UTS2B: variants seen among roughly 807,000 people sequenced by gnomAD.
UTS2B encodes the protein urotensin-2B.
Under a neutral mutation model 19.2 loss-of-function variants are expected in UTS2B, and 21 were observed. The ratio of observed to expected loss-of-function variants is 1.09; its 90% CI spans 0.78 to 1.58. The LOEUF (loss-of-function observed/expected upper bound fraction) is 1.58. Ranked by LOEUF, UTS2B falls within the 40% of genes most tolerant of loss-of-function variation. The pLI, the probability that UTS2B is intolerant of heterozygous loss-of-function variation, is 0.00. For synonymous variants in UTS2B, 57 were observed against 50.2 expected (o/e 1.14, Z -0.58); for missense variants, 138 against 130.3 (o/e 1.06, Z -0.29).
chr3:191,309,484 G>A (rs1717232138), intron 3 of UTS2B, among the ~76,000 whole-genome samples: 1 of 152,004 alleles, frequency 6.6e-6, no homozygotes, highest in South Asian at 2.1e-4. Context: ...CTTTGTTTTA[G>A]ACTATGTTTT....
chr3:191,309,195 G>A (rs528666057), intron 3 of UTS2B, among the ~76,000 whole-genome samples: 69 of 152,104 alleles, frequency 4.5e-4, no homozygotes, highest in East Asian at 3.7e-3. Context: ...ACGGAGTCTC[G>A]CTCTCGCCCA....
At chr3:191,319,957 A>G (rs1336240723) in intron 2 of UTS2B, among the ~76,000 whole-genome samples, 1 of 151,888 alleles carries the variant, frequency 6.6e-6, no homozygotes, top group Non-Finnish European at 1.5e-5. Flanking sequence ...ATACACTTCA[A>G]TTATTCTTTA....
chr3:191,313,038 G>A (rs982054054), intron 3 of UTS2B, among the ~76,000 whole-genome samples: 6 of 149,504 alleles, frequency 4.0e-5, no homozygotes, highest in East Asian at 3.9e-4. Flanking sequence ...TTTTTGAGAC[G>A]GAGTCTCACT....
intron 2 of UTS2B, among the ~76,000 whole-genome samples, chr3:191,327,991 A>C (rs192033270): frequency 6.6e-6 from 1 of 152,320 alleles, no homozygotes; most frequent in East Asian, 1.9e-4. Flanking sequence ...TTTGAGGCTT[A>C]AGAGGCAAGG....
intron 2 of UTS2B, among the ~76,000 whole-genome samples, chr3:191,327,937 A>G (rs1247842749): frequency 6.6e-6 from 1 of 152,212 alleles, no homozygotes; most frequent in Non-Finnish European, 1.5e-5. Context: ...ATCTCTGCCT[A>G]GCACTGGGGT....
At chr3:191,311,772 T>C (rs760071453) in intron 3 of UTS2B, among the ~76,000 whole-genome samples, 3 of 152,208 alleles carry the variant, frequency 2.0e-5, no homozygotes, top group South Asian at 2.1e-4. Context: ...TTCTCAGCTG[T>C]GGCATAGTAA....
intron 4 of UTS2B, among the ~76,000 whole-genome samples, chr3:191,284,780 C>A (rs1396067850): frequency 1.3e-5 from 2 of 151,492 alleles, no homozygotes; most frequent in Admixed American, 1.3e-4. Context: ...ATATAATTTC[C>A]AAAATATTTT....
intron 3 of UTS2B, among the ~76,000 whole-genome samples, chr3:191,307,099 G>A (rs1717160263): frequency 6.6e-6 from 1 of 152,220 alleles, no homozygotes; most frequent in African/African-American, 2.4e-5. Context: ...AATATGTGAA[G>A]AGAAAGAAAC....
chr3:191,340,596 A>G, the UTS2B span, among the ~76,000 whole-genome samples: 2 of 152,250 alleles, frequency 1.3e-5, no homozygotes, highest in Admixed American at 1.3e-4. Flanking sequence ...CTATAATTAC[A>G]TAATCTTCAC....
chr3:191,292,149 G>C (rs1716738122), intron 4 of UTS2B, among the ~76,000 whole-genome samples: 1 of 150,264 alleles, frequency 6.7e-6, no homozygotes, highest in African/African-American at 2.4e-5. Flanking sequence ...CAGGAGGGAA[G>C]CTAAGATTTT....
intron 3 of UTS2B, among the ~76,000 whole-genome samples, chr3:191,310,326 T>A (rs192255919): frequency 2.4e-4 from 36 of 151,916 alleles, no homozygotes; most frequent in Admixed American, 2.1e-3. Context: ...AGAGATAACA[T>A]CCCCTTTCAA....
At chr3:191,318,220 A>G (rs1717518857) in intron 2 of UTS2B, among the ~76,000 whole-genome samples, 1 of 152,324 alleles carries the variant, frequency 6.6e-6, no homozygotes, top group Admixed American at 6.5e-5. Flanking sequence ...ATCAATGTCT[A>G]TATTTCCCAT....
intron 4 of UTS2B, 34 bp from the exon 5 acceptor site, chr3:191,282,347 T>A: frequency 1.7e-6 from 1 of 577,942 alleles, no homozygotes; most frequent in East Asian, 2.9e-5. Flanking sequence ...AGAAAATAAA[T>A]CTATAAAATG....
At chr3:191,342,141 A>G in the UTS2B span, among the ~76,000 whole-genome samples, 2 of 152,200 alleles carry the variant, frequency 1.3e-5, no homozygotes, top group African/African-American at 4.8e-5. Context: ...AGATTTACAC[A>G]TTTGTTTTCT....
At chr3:191,308,384 CAGTT>C (rs1358793831) in intron 3 of UTS2B, among the ~76,000 whole-genome samples, 2 of 152,156 alleles carry the variant, frequency 1.3e-5, no homozygotes, top group African/African-American at 4.8e-5. Context: ...TTAAGTCACT[CAGTT>C]AGTCAAAGTA....
chr3:191,316,626 C>G (rs777444815), intron 2 of UTS2B, among the ~76,000 whole-genome samples, 187 bp from the exon 3 acceptor site: 34 of 152,318 alleles, frequency 2.2e-4, no homozygotes, highest in Non-Finnish European at 4.3e-4. Flanking sequence ...TGACAGGGTA[C>G]CGATTCGTGT....
At chr3:191,335,166 GT>G (rs1718100190), upstream of UTS2B, among the ~76,000 whole-genome samples, 1 of 152,152 alleles carries the variant, frequency 6.6e-6, no homozygotes, top group Non-Finnish European at 1.5e-5. Context: ...AAACATGTGA[GT>G]TTCATTCATA....
Position 191,274,554 on chromosome 3 carries a change from T to A in UTS2B, c.334+698A>T, listed in dbSNP as rs1047777075. Among the ~76,000 whole-genome samples the A allele has an allele frequency of 2.0e-5, 3 of 152,210 alleles. 1 individual carries two copies. Among genetic ancestry groups the A allele is most frequent in the African/African-American group, 7.2e-5 (3 of 41,458 alleles). ...CTCTAGAGTCTGAATGCTTAATGAC[T>A]ATATTTTGAGACATTAAAATATAAA... On this transcript the variant is annotated intron_variant, in intron 8 of 8. Coordinates refer to ENST00000340524, the MANE Select transcript of UTS2B (RefSeq NM_198152.5).
At chr3:191,303,977 T>TTTC (rs1469306812) in intron 4 of UTS2B, among the ~76,000 whole-genome samples, 1 of 152,048 alleles carries the variant, frequency 6.6e-6, no homozygotes, top group East Asian at 1.9e-4. Flanking sequence ...GGCTTTTTTT[T>TTTC]TTTCTTTTCT....
Sources: gnomAD v4.1 joint callset for allele counts (sites outside exome capture counted in the v4.1 genomes callset) on GRCh38, gnomAD v4.1.1 for gene constraint, MANE v1.5 for transcripts, NCBI Gene and HGNC (gene_info 2026-07-23, HGNC 2026-07-21) for gene names.